GPC6: variants seen among roughly 807,000 people sequenced by gnomAD.
GPC6 encodes the protein glypican-6.
Under a neutral mutation model 55.2 loss-of-function variants are expected in GPC6, and 14 were observed. The observed-to-expected ratio is 0.25, with a 90% CI of 0.17 to 0.40. The LOEUF is 0.40. Ranked by LOEUF, GPC6 falls within the 10% of genes least tolerant of loss-of-function variation. GPC6 has a pLI of 1.00. For missense variants in GPC6, 641 were observed against 708.5 expected (o/e 0.90, Z 1.08); for synonymous variants, 278 against 259.6 (o/e 1.07, Z -0.68).
chr13:93,580,462 A>G (rs1398693755), intron 2 of GPC6, among the ~76,000 whole-genome samples: 1 of 152,230 alleles, frequency 6.6e-6, no homozygotes, highest in Non-Finnish European at 1.5e-5. Context: ...ACTACATTAT[A>G]CACATAGCAG....
chr13:93,413,069 A>G (rs1298392833), intron 1 of GPC6, among the ~76,000 whole-genome samples: 2 of 152,214 alleles, frequency 1.3e-5, no homozygotes, highest in Non-Finnish European at 2.9e-5. Flanking sequence ...TTATAAAGAC[A>G]GAGAAAAGAA....
At chr13:93,734,077 CA>C (rs1345545104) in intron 2 of GPC6, among the ~76,000 whole-genome samples, 1 of 151,116 alleles carries the variant, frequency 6.6e-6, no homozygotes, top group Admixed American at 6.6e-5. Flanking sequence ...TCAGCTTCTA[CA>C]GAAATGTAGG....
chr13:93,870,322 A>G (rs1204160997), intron 3 of GPC6, among the ~76,000 whole-genome samples: 1 of 151,774 alleles, frequency 6.6e-6, no homozygotes, highest in Non-Finnish European at 1.5e-5. Flanking sequence ...TCTTGCTGTT[A>G]TTTTTTATGA....
intron 1 of GPC6, among the ~76,000 whole-genome samples, chr13:93,268,749 C>T (rs1877410896): frequency 6.6e-6 from 1 of 152,114 alleles, no homozygotes; most frequent in African/African-American, 2.4e-5. Flanking sequence ...TGTCATTCCC[C>T]TGGTTCAGAC....
chr13:93,895,273 T>C (rs1327711408), intron 3 of GPC6, among the ~76,000 whole-genome samples: 1 of 129,190 alleles, frequency 7.7e-6, no homozygotes, highest in Non-Finnish European at 1.7e-5. Context: ...TATATATATA[T>C]ATATGTAACT....
At chr13:93,808,576 G>A (rs959107229) in intron 2 of GPC6, among the ~76,000 whole-genome samples, 1 of 152,060 alleles carries the variant, frequency 6.6e-6, no homozygotes. Flanking sequence ...TTTAGTTCCT[G>A]TCAAAAAATA....
At chr13:94,059,407 C>A (rs148093731) in intron 4 of GPC6, among the ~76,000 whole-genome samples, 111 of 152,134 alleles carry the variant, frequency 7.3e-4, no homozygotes, top group African/African-American at 2.6e-3. Flanking sequence ...CCTGCAGCCC[C>A]TCATCCTTGT....
intron 1 of GPC6, among the ~76,000 whole-genome samples, chr13:93,247,796 A>G (rs1174945525): frequency 1.3e-5 from 2 of 152,194 alleles, no homozygotes; most frequent in Non-Finnish European, 2.9e-5. Flanking sequence ...TAACTTGGAA[A>G]TGTCTTAGAA....
At chr13:93,786,802 A>G (rs1421423784) in intron 2 of GPC6, among the ~76,000 whole-genome samples, 2 of 152,186 alleles carry the variant, frequency 1.3e-5, no homozygotes, top group Non-Finnish European at 1.5e-5. Context: ...AATAAAGACT[A>G]TCAGTGAAAC....
intron 4 of GPC6, among the ~76,000 whole-genome samples, chr13:94,179,171 A>G (rs1225446412): frequency 1.3e-5 from 2 of 152,160 alleles, no homozygotes; most frequent in Admixed American, 6.5e-5. Flanking sequence ...ACCCTCCTGC[A>G]TATCTTTGTT....
intron 1 of GPC6, among the ~76,000 whole-genome samples, chr13:93,423,923 C>T (rs1877022522): frequency 6.6e-6 from 1 of 152,254 alleles, no homozygotes; most frequent in Admixed American, 6.5e-5. Flanking sequence ...TGACCTGTGA[C>T]CACCGAGACA....
At chr13:94,287,832 T>A (rs1892572313) in intron 5 of GPC6, among the ~76,000 whole-genome samples, 2 of 152,206 alleles carry the variant, frequency 1.3e-5, no homozygotes, top group African/African-American at 4.8e-5. Context: ...GCTCAAGTAA[T>A]CAGGTGCTAA....
intron 1 of GPC6, among the ~76,000 whole-genome samples, chr13:93,542,961 C>G (rs60396856): frequency 8.4e-4 from 128 of 152,274 alleles, no homozygotes; most frequent in African/African-American, 3.0e-3. Context: ...ACAGTCATGT[C>G]TTCTGCAAAC....
chr13:93,875,168 CA>C (rs1468968110), intron 3 of GPC6, among the ~76,000 whole-genome samples: 1 of 151,980 alleles, frequency 6.6e-6, no homozygotes, highest in African/African-American at 2.4e-5. Context: ...CTCAAGTATT[CA>C]GAGATACTTG....
intron 1 of GPC6, among the ~76,000 whole-genome samples, chr13:93,313,934 G>A (rs1879159878): frequency 6.6e-6 from 1 of 152,092 alleles, no homozygotes. Flanking sequence ...AACCTTTTCT[G>A]TATCAGGCAC....
chr13:93,460,161 C>T (rs994655806), intron 1 of GPC6, among the ~76,000 whole-genome samples: 1 of 152,166 alleles, frequency 6.6e-6, no homozygotes, highest in African/African-American at 2.4e-5. Flanking sequence ...TCATTCTGCC[C>T]AGTTTCTGGT....
chr13:93,492,820 A>G (rs1401512920), intron 1 of GPC6, among the ~76,000 whole-genome samples: 1 of 150,814 alleles, frequency 6.6e-6, no homozygotes, highest in East Asian at 2.0e-4. Flanking sequence ...ATGCTGGATT[A>G]CATTTATTGA....
At chr13:94,256,163 C>T (rs937227429) in intron 4 of GPC6, among the ~76,000 whole-genome samples, 6 of 152,060 alleles carry the variant, frequency 3.9e-5, no homozygotes, top group African/African-American at 1.4e-4. Context: ...AGACATAAAA[C>T]TTGATGTTTT....
chr13:93,798,339 G>C lies in GPC6; in HGVS notation c.320-31815G>C, dbSNP rs1886266015. Among the ~76,000 whole-genome samples, 3 of 152,170 alleles carry C rather than the reference G, an allele frequency of 2.0e-5. No homozygotes were observed. In the South Asian group the frequency reaches 6.2e-4, roughly 32 times the overall value. On this transcript the variant is annotated intron_variant, in intron 2 of 8. Transcript: ENST00000377047. ...GTTGAACATGTATAAATGACATGAA[G>C]TATTTGATGGGAAGTTTCAGCCAAA...
Sources: gnomAD v4.1 joint callset for allele counts (sites outside exome capture counted in the v4.1 genomes callset) on GRCh38, gnomAD v4.1.1 for gene constraint, MANE v1.5 for transcripts, NCBI Gene and HGNC (gene_info 2026-07-23, HGNC 2026-07-21) for gene names.